The following CLEC16A variants were observed in gnomAD, a reference collection of about 807,000 sequenced individuals.
The protein encoded by CLEC16A is protein CLEC16A.
Under a neutral mutation model 109.5 loss-of-function variants are expected in CLEC16A, and 51 were observed. That is an observed-to-expected ratio of 0.47 (90% CI 0.37 to 0.59). The LOEUF is 0.59. Ranked by LOEUF, CLEC16A falls within the 20% of genes least tolerant of loss-of-function variation. The pLI, the probability that CLEC16A is intolerant of heterozygous loss-of-function variation, is 0.00. For synonymous variants in CLEC16A, 673 were observed against 564.2 expected, an observed-to-expected ratio of 1.19 and a Z score of -2.73; for missense variants, 1,339 against 1,394.0, an observed-to-expected ratio of 0.96 and a Z score of 0.63.
intron 19 of CLEC16A, among the ~76,000 whole-genome samples, chr16:11,112,995 A>C (rs879372571): frequency 1.3e-5 from 2 of 152,212 alleles, no homozygotes; most frequent in Non-Finnish European, 2.9e-5. Flanking sequence ...CTTAGTGCCT[A>C]GTACAGAGCC....
intron 7 of CLEC16A, among the ~76,000 whole-genome samples, chr16:10,973,788 C>G (rs2042907414): frequency 6.7e-6 from 1 of 149,028 alleles, no homozygotes; most frequent in Non-Finnish European, 1.5e-5. Context: ...CCAGGCCAAT[C>G]TTGCATTCCT....
rs78391462 is a variant in CLEC16A at position 11,123,710 on chromosome 16, G to A, written c.2269-32G>A. 1,388 of 1,610,780 alleles carry A rather than the reference G, an allele frequency of 8.6e-4. 10 individuals carry two copies. Among genetic ancestry groups the A allele is most frequent in the South Asian group, 6.7e-3 (612 of 91,014 alleles). On this transcript the variant is annotated intron_variant, in intron 20 of 23. Coordinates refer to ENST00000409790, the MANE Select transcript of CLEC16A (RefSeq NM_015226.3). ...TAGCCACCCTCCTCCCAAACCCAACGAATGCCTTTTCCTTTGCTTCTCACT... is the reference window on the plus strand; with the variant it reads ...TAGCCACCCTCCTCCCAAACCCAACAAATGCCTTTTCCTTTGCTTCTCACT...
intron 3 of CLEC16A, among the ~76,000 whole-genome samples, chr16:10,967,803 G>A (rs2042584017): frequency 6.6e-6 from 1 of 152,182 alleles, no homozygotes; most frequent in South Asian, 2.1e-4. Context: ...AAGTGGCAGG[G>A]GCGAGATGTG....
intron 10 of CLEC16A, among the ~76,000 whole-genome samples, chr16:10,987,538 G>A (rs1168982036): frequency 6.6e-6 from 1 of 152,202 alleles, no homozygotes. Flanking sequence ...CACCTGAACT[G>A]AAAATGAGAC....
intron 11 of CLEC16A, among the ~76,000 whole-genome samples, chr16:11,011,512 C>T (rs971790647): frequency 6.6e-6 from 1 of 152,150 alleles, no homozygotes; most frequent in African/African-American, 2.4e-5. Context: ...GTCACTTACA[C>T]TTTCTGGCAT....
At chr16:11,001,093 CT>C (rs892688667) in intron 10 of CLEC16A, among the ~76,000 whole-genome samples, 9 of 149,714 alleles carry the variant, frequency 6.0e-5, no homozygotes, top group East Asian at 3.9e-4. Flanking sequence ...TGTCTATACC[CT>C]TTTTTTTTTA....
chr16:11,133,284 A>C (rs952790474), intron 22 of CLEC16A, among the ~76,000 whole-genome samples: 2 of 151,530 alleles, frequency 1.3e-5, no homozygotes, highest in Non-Finnish European at 2.9e-5. Context: ...GGTTGCAGTG[A>C]GCTGAGATCT....
chr16:11,150,711 C>A (rs573457309), intron 22 of CLEC16A, among the ~76,000 whole-genome samples: 1 of 152,270 alleles, frequency 6.6e-6, no homozygotes, highest in East Asian at 1.9e-4. Flanking sequence ...GTCCCACAAA[C>A]TGGGTGGCAT....
chr16:11,017,006 G>A (rs547457229), intron 11 of CLEC16A, among the ~76,000 whole-genome samples: 7 of 124,882 alleles, frequency 5.6e-5, no homozygotes, highest in Admixed American at 3.4e-4. Flanking sequence ...GGGGCGGGGG[G>A]GGGGGTGCTC....
chr16:10,982,576 G>T (rs1001984792), intron 9 of CLEC16A, among the ~76,000 whole-genome samples: 2 of 152,236 alleles, frequency 1.3e-5, no homozygotes, highest in Admixed American at 6.5e-5. Flanking sequence ...GTTCTTTCCC[G>T]CATTGCTCCA....
At chr16:11,034,369 G>A (rs1219866469) in intron 13 of CLEC16A, among the ~76,000 whole-genome samples, 1 of 152,192 alleles carries the variant, frequency 6.6e-6, no homozygotes, top group African/African-American at 2.4e-5. Context: ...TGTTCTCGTG[G>A]TGTCTTTATC....
intron 19 of CLEC16A, among the ~76,000 whole-genome samples, chr16:11,061,878 A>G (rs1460178698): frequency 1.3e-5 from 2 of 151,990 alleles, no homozygotes; most frequent in Non-Finnish European, 2.9e-5. Flanking sequence ...CCGTCTCCCA[A>G]CTCTGCTTTC....
chr16:11,156,225 T>C (rs1057426871), intron 22 of CLEC16A, among the ~76,000 whole-genome samples: 1 of 151,842 alleles, frequency 6.6e-6, no homozygotes, highest in African/African-American at 2.4e-5. Context: ...AAAAAATTAG[T>C]GGAGCATGGT....
chr16:11,034,373 CT>C (rs1301520249), intron 13 of CLEC16A, among the ~76,000 whole-genome samples: 1 of 152,182 alleles, frequency 6.6e-6, no homozygotes, highest in African/African-American at 2.4e-5. Flanking sequence ...CTCGTGGTGT[CT>C]TTATCCAGAT....
At chr16:11,025,208 T>C (rs973140550) in intron 13 of CLEC16A, among the ~76,000 whole-genome samples, 7 of 152,224 alleles carry the variant, frequency 4.6e-5, no homozygotes, top group Non-Finnish European at 7.3e-5. Context: ...TGGTTTTCTT[T>C]TGACCCCTTG....
At chr16:10,957,190 G>C (rs1322677241) in intron 1 of CLEC16A, among the ~76,000 whole-genome samples, 1 of 152,228 alleles carries the variant, frequency 6.6e-6, no homozygotes, top group African/African-American at 2.4e-5. Flanking sequence ...TGAGCCATAA[G>C]TTCTGATGGG....
chr16:11,075,378 C>CTGTGTGTGTGTGTGTGTGTGTGTCTG (rs2049292415), intron 19 of CLEC16A, among the ~76,000 whole-genome samples: 1 of 134,612 alleles, frequency 7.4e-6, no homozygotes, highest in Non-Finnish European at 1.6e-5. Context: ...TTGGATATGT[C>CTGTGTGTGTGTGTGTGTGTGTGTCTG]TGTGTGTGTG....
At chr16:11,013,421 G>T (rs2045557633) in intron 11 of CLEC16A, among the ~76,000 whole-genome samples, 1 of 152,084 alleles carries the variant, frequency 6.6e-6, no homozygotes, top group South Asian at 2.1e-4. Context: ...TTGAAATCAG[G>T]AGTTTGAGAC....
intron 13 of CLEC16A, among the ~76,000 whole-genome samples, chr16:11,036,294 C>A (rs892630036): frequency 4.6e-5 from 7 of 152,050 alleles, no homozygotes; most frequent in Admixed American, 1.3e-4. Context: ...CTCATCACCC[C>A]CTCCCCGGCT....
Sources: gnomAD v4.1 joint callset for allele counts (sites outside exome capture counted in the v4.1 genomes callset) on GRCh38, gnomAD v4.1.1 for gene constraint, MANE v1.5 for transcripts, NCBI Gene and HGNC (gene_info 2026-07-23, HGNC 2026-07-21) for gene names.